Variants in SMYD1 observed in about 807,000 individuals in gnomAD.
SMYD1 encodes the protein histone-lysine N-methyltransferase SMYD1.
SMYD1 carries 49 observed loss-of-function variants against 54.0 expected under a neutral mutation model. The ratio of observed to expected loss-of-function variants is 0.91; its 90% confidence interval spans 0.72 to 1.15. The LOEUF is 1.15. SMYD1 is among the 50% of genes most tolerant of loss of function. SMYD1 has a pLI of 0.00. For synonymous variants in SMYD1, 269 were observed against 234.2 expected (o/e 1.15, Z -1.36); for missense variants, 653 against 639.6 (o/e 1.02, Z -0.23).
rs142936938 is a variant in SMYD1 at position 88,110,360 on chromosome 2, C to A, written c.1321C>A (p.Arg441=). The A allele has an allele frequency of 9.3e-6, 15 of 1,610,212 alleles. No individual in the cohort carries two copies. The highest frequency in any genetic ancestry group is 1.3e-5 in the African/African-American group (1 of 74,994). Residue 441 remains arginine (R), a synonymous_variant, in exon 10 of 10, where the codon CGG becomes AGG. Coordinates refer to ENST00000419482, the MANE Select transcript of SMYD1 (RefSeq NM_198274.4). The part of the protein sequence containing the change: ...HPITKDLEAM[R]VQTEMELRMF... ...GTGTATCTGTGTCCCACAGGCCATG[C>A]GGGTGCAGACGGAGATGGAGCTACG...
chr2:88,076,032 T>G (rs1384809510), intron 1 of SMYD1, among the ~76,000 whole-genome samples: 1 of 152,158 alleles, frequency 6.6e-6, no homozygotes, highest in Non-Finnish European at 1.5e-5. Flanking sequence ...GTCAGAACAA[T>G]GCCTCCTCAT....
intron 9 of SMYD1, 56 bp downstream of exon 9, chr2:88,108,595 G>A (rs1674940275): frequency 6.7e-7 from 1 of 1,487,404 alleles, no homozygotes; most frequent in Admixed American, 2.2e-5. Context: ...TCTGAGGATG[G>A]GAGTGTGAGT....
chr2:88,106,136 C>G (rs764932035), intron 7 of SMYD1, among the ~76,000 whole-genome samples, 189 bp from the exon 8 acceptor site: 8 of 152,148 alleles, frequency 5.3e-5, no homozygotes, highest in Non-Finnish European at 1.2e-4. Flanking sequence ...TTACCCTTCC[C>G]ATTCTTACAC....
rs771306689 is a variant in SMYD1 at position 88,087,919 on chromosome 2, C to T, written c.372C>T (p.Gly124=). The change falls in exon 3 of 10, where the codon GGC becomes GGT. Residue 124 remains glycine (G), a synonymous_variant. Transcript: ENST00000419482. ...GAGAAGGCACCGGGCTCACGGAGGG[C>T]TGCCTGGTGTCCGTGGACGACTTGC... ...VEREGTGLTE[G]CLVSVDDLQN... 6.2e-7 allele frequency: 1 copy of T among 1,613,092 alleles called. No homozygotes were observed. Among genetic ancestry groups the T allele is most frequent in the East Asian group, 2.2e-5 (1 of 44,868 alleles).
At chr2:88,098,299 T>C (rs1261335354) in intron 6 of SMYD1, among the ~76,000 whole-genome samples, 2 of 152,254 alleles carry the variant, frequency 1.3e-5, no homozygotes, top group African/African-American at 2.4e-5. Flanking sequence ...TTTTGATGTT[T>C]ACCTGGCAGT....
At chr2:88,106,512 G>A (rs1374705741) in intron 8 of SMYD1, 24 bp downstream of exon 8, 6 of 1,605,782 alleles carry the variant, frequency 3.7e-6, no homozygotes, top group Non-Finnish European at 5.1e-6. Context: ...CTAGGTCTCA[G>A]ATAGTCTCCT....
In SMYD1 at chr2:88,106,366, AGT is replaced by A; in HGVS notation, c.1026_1027del (p.Phe343CysfsTer2). The A allele has an allele frequency of 6.2e-7, 1 of 1,614,156 alleles. No individual in the cohort carries two copies. Among genetic ancestry groups the A allele is most frequent in the Non-Finnish European group, 8.5e-7 (1 of 1,180,024 alleles). On this transcript the variant is annotated frameshift_variant, in exon 8 of 10. Transcript: ENST00000419482. LOFTEE classifies it high-confidence loss of function. The stretch of plus-strand genomic sequence containing the variant: ...GGGAGTGCCTGGAGAAGCAGGAGCC[AGT>A]GTTTGCTGACACCAACATCTACATG... ...CRECLEKQEP[V>X]FADTNIYMLR... is the part of the protein sequence containing the mutation.
At chr2:88,081,693 C>T (rs569468456) in intron 1 of SMYD1, among the ~76,000 whole-genome samples, 28 of 152,294 alleles carry the variant, frequency 1.8e-4, no homozygotes, top group Middle Eastern at 3.4e-3. Context: ...ACCTCGGCTT[C>T]CCACAGTGCT....
chr2:88,076,895 C>G (rs1417057861), intron 1 of SMYD1, among the ~76,000 whole-genome samples: 6 of 151,982 alleles, frequency 3.9e-5, no homozygotes, highest in African/African-American at 1.4e-4. Context: ...GCCTGTAGTC[C>G]CAGCTACTTG....
At chr2:88,098,254 A>T (rs1674638771) in intron 6 of SMYD1, among the ~76,000 whole-genome samples, 1 of 152,158 alleles carries the variant, frequency 6.6e-6, no homozygotes, top group South Asian at 2.1e-4. Context: ...TCTCTATTCT[A>T]AAATAAAACA....
intron 8 of SMYD1, 115 bp from the exon 9 acceptor site, chr2:88,108,256 T>G: frequency 1.9e-6 from 2 of 1,052,612 alleles, no homozygotes; most frequent in Non-Finnish European, 2.6e-6. Context: ...AGCCTTGCAG[T>G]GCTGAGGGGA....
rs921188159 is a variant in SMYD1 at position 88,088,549 on chromosome 2, A to G, written c.528+474A>G. On this transcript the variant is annotated intron_variant, in intron 3 of 9. Coordinates refer to ENST00000419482, the MANE Select transcript of SMYD1 (RefSeq NM_198274.4). ...TTCTGGCCTTGTTTACTGTGAGGCC[A>G]TTCCTGCTGTATCTGAATTGGCATC... Among the ~76,000 whole-genome samples, 5 of 152,286 alleles carry G rather than the reference A, an allele frequency of 3.3e-5. 1 individual carries two copies. The highest frequency in any genetic ancestry group is 7.3e-5 in the Non-Finnish European group (5 of 68,028).
At chr2:88,093,614 T>G (rs1674511688) in intron 5 of SMYD1, 59 bp downstream of exon 5, 1 of 1,600,632 alleles carries the variant, frequency 6.2e-7, no homozygotes, top group South Asian at 1.1e-5. Context: ...ACTTACCTGG[T>G]TTGCTGGGGC....
At position 88,106,359 on chromosome 2, in the gene SMYD1, A is replaced by G; in HGVS notation, c.1016A>G (p.Gln339Arg). ...VKLCRECLEK[Q>R]EPVFADTNIY... The stretch of plus-strand genomic sequence containing the variant: ...TTATGCCGGGAGTGCCTGGAGAAGC[A>G]GGAGCCAGTGTTTGCTGACACCAAC... The change falls in exon 8 of 10, where the codon CAG becomes CGG. Residue 339 changes from glutamine (Q) to arginine (R), a missense_variant. Transcript: ENST00000419482. 6.2e-7 allele frequency: 1 copy of G among 1,614,144 alleles called. No homozygotes were observed. The highest frequency in any genetic ancestry group is 8.5e-7 in the Non-Finnish European group (1 of 1,180,018).
At position 88,100,454 on chromosome 2, in the gene SMYD1, T is replaced by G. The variant is rs113888213; in HGVS notation, c.889-2604T>G. The stretch of plus-strand genomic sequence containing the variant: ...AAGATTCACTAAGAATTTTGAGATT[T>G]AAAGATAATAGAATTTACAGTAGAT... On this transcript the variant is annotated intron_variant, in intron 6 of 9. Coordinates refer to ENST00000419482, the MANE Select transcript of SMYD1 (RefSeq NM_198274.4). Among the ~76,000 whole-genome samples the G allele has an allele frequency of 6.3e-3, 953 of 152,314 alleles. 14 individuals are homozygous for G. Among genetic ancestry groups the G allele is most frequent in the African/African-American group, 0.022 (922 of 41,562 alleles).
Position 88,110,507 on chromosome 2 carries a change from C to A in SMYD1, c.1468C>A (p.Gln490Lys), listed in dbSNP as rs942339484. ...EPSPALFHKK[Q>K] ...ATCCCCAGCTCTGTTCCACAAGAAG[C>A]AATGAGGACTGCCCAGTGGAGGAGG... Residue 490 changes from glutamine to lysine, a missense_variant, in exon 10 of 10, where the codon CAA becomes AAA. Physicochemically the swap from Gln to Lys is moderately conservative, Grantham distance 53. Coordinates refer to ENST00000419482, the MANE Select transcript of SMYD1 (RefSeq NM_198274.4). 1.1e-5 allele frequency: 17 copies of A among 1,577,190 alleles called. No homozygotes were observed. Among genetic ancestry groups the A allele is most frequent in the African/African-American group, 8.1e-5 (6 of 74,404 alleles).
chr2:88,111,958 G>C lies in SMYD1; in HGVS notation c.*1446G>C. 1 of 666,270 alleles carries C rather than the reference G, an allele frequency of 1.5e-6. No individual in the cohort carries two copies. The highest frequency in any genetic ancestry group is 2.7e-6 in the Non-Finnish European group (1 of 365,480). The allele number at this position is 666,270 out of a possible 1,614,324, so 41.3% of individuals were successfully genotyped here. A position where few individuals can be genotyped will look rare whatever the true frequency, so the allele number is the denominator to read the frequency against. On this transcript the variant is annotated 3_prime_UTR_variant, in exon 10 of 10. Coordinates refer to ENST00000419482, the MANE Select transcript of SMYD1 (RefSeq NM_198274.4). ...GTTTGTTATCTCTGCCTAAATGTTAGCTTCTCCATCCTCACCACATGATGA... is the reference window on the plus strand; with the variant it reads ...GTTTGTTATCTCTGCCTAAATGTTACCTTCTCCATCCTCACCACATGATGA...
rs767031799 is a variant in SMYD1 at position 88,108,525 on chromosome 2, A to G, written c.1300A>G (p.Thr434Ala). 11 of 1,594,320 alleles carry G rather than the reference A, an allele frequency of 6.9e-6. No homozygotes were observed. Among genetic ancestry groups the G allele is most frequent in the Non-Finnish European group, 8.5e-6 (10 of 1,170,892 alleles). Residue 434 changes from threonine to alanine, a missense_variant, in exon 9 of 10, where the codon ACT becomes GCT. Physicochemically the swap from Thr to Ala is moderately conservative, Grantham distance 58. Coordinates refer to ENST00000419482, the MANE Select transcript of SMYD1 (RefSeq NM_198274.4). Reference protein sequence around the residue: ...LVTHGPSHPITKDLEAMRVQT... With the variant: ...LVTHGPSHPIAKDLEAMRVQT... ...GACACACGGACCCTCCCACCCCATCACTAAGGACTTAGAGGCAAGTAGCGT... is the reference window on the plus strand; with the variant it reads ...GACACACGGACCCTCCCACCCCATCGCTAAGGACTTAGAGGCAAGTAGCGT...
chr2:88,097,483 A>G (rs1340034856), intron 6 of SMYD1, among the ~76,000 whole-genome samples: 1 of 152,214 alleles, frequency 6.6e-6, no homozygotes, highest in African/African-American at 2.4e-5. Flanking sequence ...GCAAGAAGCT[A>G]AAACCGAAGA....
Sources: gnomAD v4.1 joint callset for allele counts (sites outside exome capture counted in the v4.1 genomes callset) on GRCh38, gnomAD v4.1.1 for gene constraint, MANE v1.5 for transcripts, NCBI Gene and HGNC (gene_info 2026-07-23, HGNC 2026-07-21) for gene names.